The following MED27 variants were observed in gnomAD, a reference collection of about 807,000 sequenced individuals.
The protein encoded by MED27 is mediator of RNA polymerase II transcription subunit 27.
Under a neutral mutation model 38.2 loss-of-function variants are expected in MED27, and 30 were observed. That is an observed-to-expected ratio of 0.79 (90% CI 0.59 to 1.07). MED27 has a LOEUF of 1.07. Among genes scored for constraint, MED27 ranks in the 50% least tolerant of loss-of-function variants. The pLI is 0.00. For synonymous variants in MED27, 122 were observed against 153.5 expected (o/e 0.79, Z 1.52); for missense variants, 289 against 397.5 (o/e 0.73, Z 2.32).
rs1838860962 is a variant in MED27, at chr9:131,872,829, C to T, written c.724-9689G>A. On this transcript the variant is annotated intron_variant, in intron 6 of 7. Transcript: ENST00000292035. The surrounding 1 kb of genome is among the most constrained non-coding windows in gnomAD (Gnocchi z 5.6). ...ACCTGCTGCCCTGATGCGATGGCAC[C>T]CTCAGGTGGGCCTCAGATTCCAGGC... Among the ~76,000 whole-genome samples the T allele has an allele frequency of 6.6e-6, 1 of 152,232 alleles. No homozygotes were observed. Among genetic ancestry groups the T allele is most frequent in the African/African-American group, 2.4e-5 (1 of 41,458 alleles).
chr9:131,902,128 G>A (rs1829959232), intron 4 of MED27, among the ~76,000 whole-genome samples: 1 of 152,064 alleles, frequency 6.6e-6, no homozygotes, highest in African/African-American at 2.4e-5. Context: ...CGAGACTCCT[G>A]GCTTCCCTCA....
At chr9:132,012,587 C>T (rs1242820278) in intron 3 of MED27, among the ~76,000 whole-genome samples, 2 of 152,134 alleles carry the variant, frequency 1.3e-5, no homozygotes, top group South Asian at 4.1e-4. Context: ...GGGATCCCCC[C>T]GGCTCTTCAC....
intron 3 of MED27, among the ~76,000 whole-genome samples, chr9:131,990,357 C>T (rs1186853068): frequency 6.6e-6 from 1 of 152,228 alleles, no homozygotes; most frequent in Non-Finnish European, 1.5e-5. Flanking sequence ...TGAGCCTCTA[C>T]CTGAATTGTC....
intron 4 of MED27, among the ~76,000 whole-genome samples, chr9:131,920,460 A>C (rs1483528779): frequency 6.6e-6 from 1 of 152,168 alleles, no homozygotes; most frequent in Non-Finnish European, 1.5e-5. Context: ...CTCAACACCT[A>C]CTATGTGCCA....
intron 2 of MED27, among the ~76,000 whole-genome samples, chr9:132,064,354 C>T (rs1489364705): frequency 6.6e-6 from 1 of 152,132 alleles, no homozygotes; most frequent in African/African-American, 2.4e-5. Flanking sequence ...TAAACAGACC[C>T]AGTCCGAGAT....
At chr9:132,002,129 C>G (rs1457192506) in intron 3 of MED27, among the ~76,000 whole-genome samples, 1 of 152,174 alleles carries the variant, frequency 6.6e-6, no homozygotes, top group Non-Finnish European at 1.5e-5. Flanking sequence ...GACCACTCCT[C>G]CTAAGGGCCA....
At chr9:131,880,003 A>G (rs1350417902) in intron 6 of MED27, among the ~76,000 whole-genome samples, 1 of 152,260 alleles carries the variant, frequency 6.6e-6, no homozygotes, top group Non-Finnish European at 1.5e-5. Flanking sequence ...CTGAATCTGC[A>G]AAGGACAACG....
At chr9:131,989,535 T>C (rs1205415731) in intron 3 of MED27, among the ~76,000 whole-genome samples, 1 of 152,228 alleles carries the variant, frequency 6.6e-6, no homozygotes, top group African/African-American at 2.4e-5. Context: ...TTTTTAAAAA[T>C]TGTTTAAAAA....
At chr9:132,041,585 CAGA>C (rs1212070959) in intron 2 of MED27, among the ~76,000 whole-genome samples, 2 of 152,232 alleles carry the variant, frequency 1.3e-5, no homozygotes, top group Non-Finnish European at 2.9e-5. Context: ...CACACGGCGT[CAGA>C]AGGCCTGCAG....
chr9:131,927,012 G>A (rs1830495982), intron 4 of MED27, among the ~76,000 whole-genome samples: 1 of 152,180 alleles, frequency 6.6e-6, no homozygotes, highest in Admixed American at 6.5e-5. Flanking sequence ...GCTTGTTCCA[G>A]TCTGATTCAG....
Position 132,077,741 on chromosome 9 carries a change from T to TA in MED27, c.204-156dup, listed in dbSNP as rs58871054. Reference sequence around the variant, plus strand: ...AAGGTTAAAAAATACTTGGGACACTTAAAAAAAAAAACCCTAAATGAGAGT... The same window carrying TA: ...AAGGTTAAAAAATACTTGGGACACTTAAAAAAAAAAAACCCTAAATGAGAGT... On this transcript the variant is annotated intron_variant, in intron 1 of 7. Coordinates refer to ENST00000292035, the MANE Select transcript of MED27 (RefSeq NM_004269.4). Among the ~76,000 whole-genome samples, 132 of 145,536 alleles carry TA rather than the reference T, an allele frequency of 9.1e-4. 2 individuals are homozygous for TA. Among genetic ancestry groups the TA allele is most frequent in the Admixed American group, 5.0e-3 (73 of 14,630 alleles).
At position 131,862,888 on chromosome 9, in the gene MED27, T is replaced by C. The variant is rs1476386907; in HGVS notation, c.801+175A>G. Among the ~76,000 whole-genome samples the C allele has an allele frequency of 6.6e-6, 1 of 152,068 alleles. No individual in the cohort carries two copies. The highest frequency in any genetic ancestry group is 1.5e-5 in the Non-Finnish European group (1 of 68,008). ...CACCAGTGAATGAAGCTGGAAGTGG[T>C]TTCTCCCAGATCCCTTCGCAGTTTA... On this transcript the variant is annotated intron_variant, in intron 7 of 7. Transcript: ENST00000292035. The surrounding 1 kb of genome is among the most constrained non-coding windows in gnomAD (Gnocchi z 4.6).
intron 2 of MED27, among the ~76,000 whole-genome samples, chr9:132,048,982 A>G (rs374411980): frequency 9.9e-5 from 15 of 152,248 alleles, no homozygotes; most frequent in Admixed American, 6.5e-4. Flanking sequence ...CACAAAGTCA[A>G]CTATGGAACT....
At chr9:131,949,208 G>C (rs925784559) in intron 3 of MED27, among the ~76,000 whole-genome samples, 2 of 152,070 alleles carry the variant, frequency 1.3e-5, no homozygotes, top group African/African-American at 4.8e-5. Context: ...CTGTGTTCTA[G>C]GAATGACATT....
rs1360464852 is a variant in MED27 at position 132,003,196 on chromosome 9, C to T, written c.479+11141G>A. 6.6e-6 allele frequency among the ~76,000 whole-genome samples: 1 copy of T among 152,138 alleles called. No homozygotes were observed. Among genetic ancestry groups the T allele is most frequent in the Non-Finnish European group, 1.5e-5 (1 of 68,022 alleles). ...AATGGCCAGTGATGTAATAACCACA[C>T]CAGACAGCTGTCTTCCTGGATAAAA... On this transcript the variant is annotated intron_variant, in intron 3 of 7. Transcript: ENST00000292035. The surrounding 1 kb of genome is among the most constrained non-coding windows in gnomAD (Gnocchi z 4.2).
rs2131442201 is a variant in MED27 at position 131,860,213 on chromosome 9, C to T, written c.*325G>A. ...GACGATACCCATGAACACAAGGGCTCATTCCAGTAACAGCTCGCGGAGACG... is the reference window on the plus strand; with the variant it reads ...GACGATACCCATGAACACAAGGGCTTATTCCAGTAACAGCTCGCGGAGACG... On this transcript the variant is annotated 3_prime_UTR_variant, in exon 8 of 8. Coordinates refer to ENST00000292035, the MANE Select transcript of MED27 (RefSeq NM_004269.4). The surrounding 1 kb of genome is among the most constrained non-coding windows in gnomAD (Gnocchi z 5.8). 3.9e-6 allele frequency: 1 copy of T among 254,686 alleles called. No homozygotes were observed. The highest frequency in any genetic ancestry group is 7.8e-5 in the East Asian group (1 of 12,796). 15.8% of individuals were successfully genotyped at this position (254,686 alleles called of 1,614,324 possible). A position where few individuals can be genotyped will look rare whatever the true frequency, so the allele number is the denominator to read the frequency against.
In MED27 at chr9:131,907,629, C is replaced by T. The variant is rs1474511783; in HGVS notation, c.574-13637G>A. On this transcript the variant is annotated intron_variant, in intron 4 of 7. Coordinates refer to ENST00000292035, the MANE Select transcript of MED27 (RefSeq NM_004269.4). The stretch of plus-strand genomic sequence containing the variant: ...AAAGTGCCGAGATTGCAGCCTCTGC[C>T]CGGCCGCCACCCCGTCTGGGAAGTG... 2.6e-5 allele frequency among the ~76,000 whole-genome samples: 4 copies of T among 152,234 alleles called. No homozygotes were observed. In the East Asian group the frequency reaches 7.7e-4, roughly 29 times the overall value.
intron 5 of MED27, among the ~76,000 whole-genome samples, chr9:131,884,321 TC>T (rs1176000256): frequency 6.6e-6 from 1 of 152,212 alleles, no homozygotes; most frequent in Non-Finnish European, 1.5e-5. Flanking sequence ...ATACAGCAAG[TC>T]ACCTTGAGGC....
intron 2 of MED27, chr9:132,073,395 A>G (rs1223112852): frequency 9.5e-7 from 1 of 1,054,430 alleles, no homozygotes; most frequent in Non-Finnish European, 1.1e-6. Flanking sequence ...GTGAATCTTC[A>G]CTGAATGATT....
Sources: allele counts gnomAD v4.1 joint callset (sites outside exome capture counted in the v4.1 genomes callset), GRCh38; gene constraint gnomAD v4.1.1; non-coding constraint Gnocchi (gnomAD v3.1); transcripts MANE v1.5; gene names NCBI Gene and HGNC (gene_info 2026-07-23, HGNC 2026-07-21).